Variants in TMTC1 observed in about 807,000 individuals in gnomAD.
TMTC1 encodes protein O-mannosyl-transferase TMTC1.
A neutral mutation model predicts 104.8 loss-of-function variants in TMTC1; 73 were observed. The ratio of observed to expected loss-of-function variants is 0.70; its 90% CI spans 0.58 to 0.85. The LOEUF (loss-of-function observed/expected upper bound fraction) is 0.85. Among genes scored for constraint, TMTC1 ranks in the 40% least tolerant of loss-of-function variants. The pLI is 0.00. For synonymous variants in TMTC1, 434 were observed against 428.7 expected (o/e 1.01, Z -0.15); for missense variants, 1,035 against 1,096.1 (o/e 0.94, Z 0.79).
chr12:29,695,438 C>T (rs969457216), intron 5 of TMTC1, among the ~76,000 whole-genome samples: 5 of 151,994 alleles, frequency 3.3e-5, no homozygotes, highest in Admixed American at 6.6e-5. Context: ...TCCTGAGTAG[C>T]GGGGATTACA....
At chr12:29,689,753 ATG>A (rs1230493611) in intron 5 of TMTC1, among the ~76,000 whole-genome samples, 1 of 152,208 alleles carries the variant, frequency 6.6e-6, no homozygotes, top group Non-Finnish European at 1.5e-5. Context: ...GAATGAGTAA[ATG>A]TGCTCCCTTC....
chr12:29,511,837 T>A (rs986834812), intron 17 of TMTC1, among the ~76,000 whole-genome samples: 9 of 152,248 alleles, frequency 5.9e-5, no homozygotes, highest in Non-Finnish European at 1.2e-4. Context: ...GATTTATTTT[T>A]AAAATAGCTT....
chr12:29,568,800 A>G (rs1189668960), intron 9 of TMTC1: 3 of 399,298 alleles, frequency 7.5e-6, no homozygotes, highest in Non-Finnish European at 1.5e-5. Context: ...ATTTCTTGGG[A>G]GTTTTTGTGT....
At chr12:29,671,435 G>A (rs1365220719) in intron 5 of TMTC1, among the ~76,000 whole-genome samples, 1 of 152,156 alleles carries the variant, frequency 6.6e-6, no homozygotes, top group Admixed American at 6.5e-5. Flanking sequence ...TGAACACCGA[G>A]TTAAGTCTTA....
At chr12:29,545,277 T>A (rs947253522) in intron 10 of TMTC1, among the ~76,000 whole-genome samples, 17 of 152,216 alleles carry the variant, frequency 1.1e-4, no homozygotes, top group Admixed American at 5.2e-4. Context: ...AAACCTGTAG[T>A]TGTAGTTAAA....
rs186781225 is a variant in TMTC1, at chr12:29,572,443, A to C, written c.1419-225T>G. On this transcript the variant is annotated intron_variant, in intron 8 of 17. Coordinates refer to ENST00000539277, the MANE Select transcript of TMTC1 (RefSeq NM_001193451.2). ...GCAGTATAGTGTTATGTATAGCTGA[A>C]CAAGCATGCTAACTGTGTATGAACA... Among the ~76,000 whole-genome samples, 6 of 152,324 alleles carry C rather than the reference A, an allele frequency of 3.9e-5. No individual in the cohort carries two copies. The East Asian group carries it at 1.2e-3, about 29-fold the overall frequency.
intron 6 of TMTC1, among the ~76,000 whole-genome samples, chr12:29,615,679 C>T (rs991634782): frequency 6.6e-6 from 1 of 152,172 alleles, no homozygotes; most frequent in African/African-American, 2.4e-5. Flanking sequence ...TCTATATACA[C>T]ATTTCTAATT....
At chr12:29,559,718 C>T (rs963320379) in intron 9 of TMTC1, among the ~76,000 whole-genome samples, 5 of 152,136 alleles carry the variant, frequency 3.3e-5, no homozygotes, top group Non-Finnish European at 5.9e-5. Context: ...CTCGCTGATT[C>T]TATAACCAAG....
At chr12:29,516,684 C>T (rs776362573) in intron 14 of TMTC1, among the ~76,000 whole-genome samples, 198 bp from the exon 15 acceptor site, 1 of 152,098 alleles carries the variant, frequency 6.6e-6, no homozygotes, top group Non-Finnish European at 1.5e-5. Context: ...TTTGTGCATG[C>T]ATTTGTGAGT....
intron 9 of TMTC1, among the ~76,000 whole-genome samples, chr12:29,558,630 C>A (rs1945304545): frequency 6.6e-6 from 1 of 152,158 alleles, no homozygotes; most frequent in African/African-American, 2.4e-5. Flanking sequence ...TTCACAGAAG[C>A]TTTGGAGGCT....
At chr12:29,696,058 G>T (rs1941415196) in intron 5 of TMTC1, among the ~76,000 whole-genome samples, 1 of 151,902 alleles carries the variant, frequency 6.6e-6, no homozygotes, top group African/African-American at 2.4e-5. Flanking sequence ...TTTTTCCAAA[G>T]GAGATATATT....
At chr12:29,682,341 C>T (rs1262983766) in intron 5 of TMTC1, among the ~76,000 whole-genome samples, 1 of 152,126 alleles carries the variant, frequency 6.6e-6, no homozygotes, top group African/African-American at 2.4e-5. Flanking sequence ...TTAAAAAGCT[C>T]AACATACAGT....
chr12:29,530,829 G>C (rs890970406), intron 11 of TMTC1, among the ~76,000 whole-genome samples: 2 of 152,158 alleles, frequency 1.3e-5, no homozygotes, highest in African/African-American at 4.8e-5. Context: ...ATACATATTA[G>C]AAGTAAGCTC....
intron 16 of TMTC1, among the ~76,000 whole-genome samples, chr12:29,512,670 C>A (rs1391171596): frequency 6.6e-6 from 1 of 152,130 alleles, no homozygotes; most frequent in Non-Finnish European, 1.5e-5. Context: ...TTTTCCCCTG[C>A]CACATGAAAA....
chr12:29,707,577 A>C (rs1941782892), intron 5 of TMTC1, among the ~76,000 whole-genome samples: 1 of 152,100 alleles, frequency 6.6e-6, no homozygotes, highest in African/African-American at 2.4e-5. Context: ...CTCCCACTGA[A>C]GTCCTGATTT....
At chr12:29,693,230 T>C (rs1291982531) in intron 5 of TMTC1, among the ~76,000 whole-genome samples, 1 of 144,900 alleles carries the variant, frequency 6.9e-6, no homozygotes, top group Non-Finnish European at 1.5e-5. Context: ...AAAGTTCTTG[T>C]TTTTTAAAAT....
intron 9 of TMTC1, chr12:29,568,780 T>G (rs963373324): frequency 1.6e-5 from 6 of 385,204 alleles, no homozygotes; most frequent in African/African-American, 1.0e-4. Flanking sequence ...CGGGGCTTAT[T>G]AGCTGAGGCA....
intron 11 of TMTC1, among the ~76,000 whole-genome samples, chr12:29,531,124 G>A (rs1054277694): frequency 6.6e-6 from 1 of 152,138 alleles, no homozygotes; most frequent in Non-Finnish European, 1.5e-5. Flanking sequence ...CTCCATGAGG[G>A]TAACCACATA....
chr12:29,561,218 T>C (rs755951228), intron 9 of TMTC1, among the ~76,000 whole-genome samples: 4 of 151,908 alleles, frequency 2.6e-5, no homozygotes, highest in Non-Finnish European at 5.9e-5. Context: ...TCAGAAGCAC[T>C]TGTGTTCTTA....
Sources: gnomAD v4.1 joint callset for allele counts (sites outside exome capture counted in the v4.1 genomes callset) on GRCh38, gnomAD v4.1.1 for gene constraint, MANE v1.5 for transcripts, NCBI Gene and HGNC (gene_info 2026-07-23, HGNC 2026-07-21) for gene names.